The following ANAPC11 variants were observed in gnomAD, a reference collection of about 807,000 sequenced individuals.
ANAPC11 encodes the protein anaphase-promoting complex subunit 11.
A neutral mutation model predicts 11.8 loss-of-function variants in ANAPC11; 5 were observed. That is an observed-to-expected ratio of 0.42 (90% CI 0.22 to 0.89). ANAPC11 has a LOEUF of 0.89. ANAPC11 is among the 40% of genes least tolerant of loss of function. The pLI is 0.28. For synonymous variants in ANAPC11, 45 were observed against 41.0 expected (o/e 1.10, Z -0.38); for missense variants, 68 against 112.9 (o/e 0.60, Z 1.80).
chr17:81,899,738 TG>T, intron 3 of ANAPC11, 181 bp from the exon 4 acceptor site: 1 of 960,980 alleles, frequency 1.0e-6, no homozygotes. Context: ...GGTCTTCGCC[TG>T]GGGGCGGGCT....
At chr17:81,899,645 C>T (rs2039871723) in intron 3 of ANAPC11, 1 of 1,340,960 alleles carries the variant, frequency 7.5e-7, no homozygotes, top group Admixed American at 2.5e-5. Flanking sequence ...CCCCACTGAG[C>T]ATGATGAGCC....
chr17:81,896,779 C>CA (rs2080394073), intron 3 of ANAPC11, among the ~76,000 whole-genome samples: 1 of 150,012 alleles, frequency 6.7e-6, no homozygotes, highest in Non-Finnish European at 1.5e-5. Context: ...CATACCACCA[C>CA]ACTCATCTGC....
chr17:81,899,681 G>A, intron 3 of ANAPC11: 1 of 1,110,916 alleles, frequency 9.0e-7, no homozygotes, highest in Non-Finnish European at 1.3e-6. Context: ...GCCTGCTGCG[G>A]TTGCCCCGGG....
chr17:81,895,955 ATTAGT>A (rs111502339), intron 3 of ANAPC11, among the ~76,000 whole-genome samples: 4 of 152,212 alleles, frequency 2.6e-5, no homozygotes, highest in East Asian at 3.9e-4. Context: ...CAAAAAAAAG[ATTAGT>A]TTAAACTTTT....
intron 3 of ANAPC11, among the ~76,000 whole-genome samples, chr17:81,897,086 C>G (rs1485011990): frequency 1.3e-5 from 2 of 152,088 alleles, no homozygotes; most frequent in African/African-American, 2.4e-5. Flanking sequence ...CTGCAACTTC[C>G]GCCTCCCTAG....
At chr17:81,891,507 C>T (rs1191152795), upstream of ANAPC11, 1 of 1,332,504 alleles carries the variant, frequency 7.5e-7, no homozygotes, top group Non-Finnish European at 9.7e-7. Context: ...GCCTCGCTGG[C>T]TCCGGTTCAG....
At chr17:81,894,625 G>A (rs559924598) in intron 3 of ANAPC11, 39 bp downstream of exon 3, 4 of 1,443,238 alleles carry the variant, frequency 2.8e-6, no homozygotes, top group South Asian at 2.4e-5. Flanking sequence ...GGCCCCGACT[G>A]TGAGTGTCCC....
intron 3 of ANAPC11, among the ~76,000 whole-genome samples, chr17:81,896,211 A>C (rs2039736629): frequency 6.6e-6 from 1 of 152,166 alleles, no homozygotes; most frequent in Admixed American, 6.5e-5. Context: ...ACCTGAGGTC[A>C]GGAGTTTGAG....
rs753515379 is a variant in ANAPC11, at chr17:81,900,122, C to T, written c.*57C>T. The stretch of plus-strand genomic sequence containing the variant: ...CTGAGACTCCTTCCTCATGCTGGCG[C>T]CGATGGCTGCTGGGGACAGCGCCCC... On this transcript the variant is annotated 3_prime_UTR_variant, in exon 4 of 4. Coordinates refer to ENST00000344877, the MANE Select transcript of ANAPC11 (RefSeq NM_001002248.3). The T allele has an allele frequency of 1.2e-6, 2 of 1,604,382 alleles. No homozygotes were observed. The highest frequency in any genetic ancestry group is 2.2e-5 in the East Asian group (1 of 44,622).
chr17:81,895,735 T>C lies in ANAPC11; in HGVS notation c.109+1149T>C, dbSNP rs1056556834. Among the ~76,000 whole-genome samples, 6 of 152,030 alleles carry C rather than the reference T, an allele frequency of 3.9e-5. No individual in the cohort carries two copies. In the East Asian group the frequency reaches 1.2e-3, roughly 29 times the overall value. On this transcript the variant is annotated intron_variant, in intron 3 of 3. Transcript: ENST00000344877. ...TTGTCATCCCAGCACTGTGGGAGGC[T>C]GAAGTGGATGGATCTCAAGGTCAGG...
chr17:81,891,687 G>A (rs2039534581), upstream of ANAPC11: 2 of 1,059,222 alleles, frequency 1.9e-6, no homozygotes, highest in East Asian at 6.1e-5. Context: ...CTGGCGGACG[G>A]CTGCGCGCGC....
At chr17:81,890,869 G>C, upstream of ANAPC11, 1 of 1,613,112 alleles carries the variant, frequency 6.2e-7, no homozygotes, top group Non-Finnish European at 8.5e-7. Context: ...TCAGTCCAGG[G>C]CTTTCCTGAC....
In ANAPC11 at chr17:81,900,120, C is replaced by T. The variant is rs772966120; in HGVS notation, c.*55C>T. Reference sequence around the variant, plus strand: ...TCCTGAGACTCCTTCCTCATGCTGGCGCCGATGGCTGCTGGGGACAGCGCC... The same window carrying T: ...TCCTGAGACTCCTTCCTCATGCTGGTGCCGATGGCTGCTGGGGACAGCGCC... On this transcript the variant is annotated 3_prime_UTR_variant, in exon 4 of 4. Coordinates refer to ENST00000344877, the MANE Select transcript of ANAPC11 (RefSeq NM_001002248.3). 1.0e-5 allele frequency: 16 copies of T among 1,605,362 alleles called. No individual in the cohort carries two copies. The highest frequency in any genetic ancestry group is 5.3e-5 in the African/African-American group (4 of 74,828).
At chr17:81,891,366 G>C, upstream of ANAPC11, 1 of 1,149,774 alleles carries the variant, frequency 8.7e-7, no homozygotes, top group Non-Finnish European at 1.1e-6. Flanking sequence ...TCCGCCGGCC[G>C]CGCCGCGGGC....
At position 81,899,315 on chromosome 17, in the gene ANAPC11, G is replaced by A. The variant is rs781674317; in HGVS notation, c.110-605G>A. 25 of 1,613,362 alleles carry A rather than the reference G, an allele frequency of 1.5e-5. No homozygotes were observed. The African/African-American group carries it at 2.9e-4, about 19-fold the overall frequency. ...AGCCTGTGCCTGTCCTGGGAGGCAGGGCCCATCCACAGGTGCCCATCAACA... is the reference window on the plus strand; with the variant it reads ...AGCCTGTGCCTGTCCTGGGAGGCAGAGCCCATCCACAGGTGCCCATCAACA... On this transcript the variant is annotated intron_variant, in intron 3 of 3. Transcript: ENST00000344877.
chr17:81,894,714 TC>T (rs377085086), intron 3 of ANAPC11, 128 bp downstream of exon 3: 42 of 464,780 alleles, frequency 9.0e-5, no homozygotes, highest in Middle Eastern at 4.2e-4. Context: ...AGTTTCATTT[TC>T]TTTTTTTTTT....
intron 3 of ANAPC11, chr17:81,899,700 G>A: frequency 5.9e-6 from 6 of 1,010,224 alleles, no homozygotes; most frequent in South Asian, 1.7e-5. Flanking sequence ...GGTGGAGGCC[G>A]CATGTCCGGT....
At chr17:81,897,790 A>G (rs756779514) in intron 3 of ANAPC11, among the ~76,000 whole-genome samples, 3 of 152,084 alleles carry the variant, frequency 2.0e-5, no homozygotes, top group Non-Finnish European at 4.4e-5. Flanking sequence ...GAACAAAACT[A>G]CATAAATTTT....
chr17:81,896,324 A>C (rs2039740255), intron 3 of ANAPC11, among the ~76,000 whole-genome samples: 1 of 152,210 alleles, frequency 6.6e-6, no homozygotes, highest in African/African-American at 2.4e-5. Context: ...CAGGAGGCTG[A>C]GGCAAAAGAA....
Sources: gnomAD v4.1 joint callset for allele counts (sites outside exome capture counted in the v4.1 genomes callset) on GRCh38, gnomAD v4.1.1 for gene constraint, MANE v1.5 for transcripts, NCBI Gene and HGNC (gene_info 2026-07-23, HGNC 2026-07-21) for gene names.